DNAH6: variants seen among roughly 807,000 people sequenced by gnomAD.
DNAH6 encodes axonemal beta dynein heavy chain 6.
In DNAH6, 340 loss-of-function variants were observed where a neutral mutation model predicts 491.4. The observed-to-expected ratio is 0.69, with a 90% CI of 0.63 to 0.76. The LOEUF (loss-of-function observed/expected upper bound fraction) is 0.76. Ranked by LOEUF, DNAH6 falls within the 30% of genes least tolerant of loss-of-function variation. DNAH6 has a pLI of 0.00. For missense variants in DNAH6, 4,443 were observed against 4,972.2 expected (o/e 0.89, Z 3.20); for synonymous variants, 1,603 against 1,686.1 (o/e 0.95, Z 1.21).
intron 70 of DNAH6, among the ~76,000 whole-genome samples, chr2:84,804,970 C>T (rs1239926374): frequency 6.6e-6 from 1 of 151,890 alleles, no homozygotes; most frequent in Non-Finnish European, 1.5e-5. Context: ...TACACCACCA[C>T]ACCCAGCTAA....
intron 18 of DNAH6, among the ~76,000 whole-genome samples, chr2:84,598,132 T>TTTCG (rs1684814444): frequency 2.0e-5 from 1 of 49,666 alleles, no homozygotes; most frequent in Non-Finnish European, 4.8e-5. Flanking sequence ...CTTTCTTTTC[T>TTTCG]TTCTTTCTTT....
At chr2:84,732,026 A>G (rs539356393) in intron 61 of DNAH6, among the ~76,000 whole-genome samples, 1 of 152,370 alleles carries the variant, frequency 6.6e-6, no homozygotes, top group African/African-American at 2.4e-5. Context: ...ATCCCAGGGT[A>G]ACTGTGAGCA....
the DNAH6 span, among the ~76,000 whole-genome samples, chr2:84,490,078 C>G: frequency 2.0e-5 from 3 of 152,060 alleles, no homozygotes; most frequent in African/African-American, 7.2e-5. Context: ...AGCATTTTTT[C>G]AGTTTTTTAC....
At chr2:84,797,230 A>G (rs1192396) in intron 69 of DNAH6, among the ~76,000 whole-genome samples, 34,264 of 152,140 alleles carry the variant, frequency 0.23, 4,606 homozygotes, top group African/African-American at 0.39. Context: ...ACACCTTTCA[A>G]CATAAATTTG....
Position 84,662,542 on chromosome 2 carries a change from G to A in DNAH6, c.6084+3373G>A, listed in dbSNP as rs970914606. On this transcript the variant is annotated intron_variant, in intron 37 of 76. Transcript: ENST00000389394. The stretch of plus-strand genomic sequence containing the variant: ...TCTGAGATCGAACTGCAAGGCAGCA[G>A]CAAGGCTGGGGGAGGGGTGCCCACC... Among the ~76,000 whole-genome samples the A allele has an allele frequency of 2.6e-5, 4 of 152,222 alleles. No individual in the cohort carries two copies. In the East Asian group the frequency reaches 7.7e-4, roughly 29 times the overall value.
chr2:84,490,145 AC>A, the DNAH6 span, among the ~76,000 whole-genome samples: 3 of 152,170 alleles, frequency 2.0e-5, no homozygotes, highest in African/African-American at 7.2e-5. Context: ...GTTTGTATCT[AC>A]CACATATTGT....
chr2:84,734,612 G>T (rs1699391834), intron 62 of DNAH6, among the ~76,000 whole-genome samples: 1 of 152,074 alleles, frequency 6.6e-6, no homozygotes, highest in African/African-American at 2.4e-5. Flanking sequence ...TGAATGCAAG[G>T]TTCCATATGT....
At chr2:84,684,869 G>C (rs901420487) in intron 42 of DNAH6, among the ~76,000 whole-genome samples, 1 of 152,180 alleles carries the variant, frequency 6.6e-6, no homozygotes, top group Non-Finnish European at 1.5e-5. Flanking sequence ...GAAGCCAGAA[G>C]GGCCAGGGGC....
intron 56 of DNAH6, among the ~76,000 whole-genome samples, chr2:84,710,847 T>C (rs1696972664): frequency 1.3e-5 from 2 of 151,510 alleles, no homozygotes; most frequent in Admixed American, 6.6e-5. Flanking sequence ...GAATTAACTT[T>C]TGTTAAAAAA....
chr2:84,686,651 T>C, intron 44 of DNAH6, 94 bp downstream of exon 44: 1 of 783,046 alleles, frequency 1.3e-6, no homozygotes, highest in Non-Finnish European at 2.0e-6. Flanking sequence ...ACTTTACATG[T>C]GTGAGGAGTT....
At chr2:84,467,019 A>T in the DNAH6 span, among the ~76,000 whole-genome samples, 1 of 152,244 alleles carries the variant, frequency 6.6e-6, no homozygotes, top group African/African-American at 2.4e-5. Context: ...CCGTTTTTAC[A>T]AATTTTTGTT....
chr2:84,681,508 A>T lies in DNAH6; in HGVS notation c.6896A>T (p.Asp2299Val). The T allele has an allele frequency of 6.5e-7, 1 of 1,548,526 alleles. No homozygotes were observed. The highest frequency in any genetic ancestry group is 1.2e-5 in the South Asian group (1 of 83,174). Residue 2299 changes from aspartate (D) to valine (V), a missense_variant, in exon 42 of 77, where the codon GAC (aspartate) becomes GTC (valine). Asp to Val is a radical substitution (Grantham distance 152). Coordinates refer to ENST00000389394, the MANE Select transcript of DNAH6 (RefSeq NM_001370.2). ...AKSHYVFNLR[D>V]LSKCVQGILQ... ...TCCCATTATGTCTTTAACTTGAGGG[A>T]CTTATCCAAATGTGTGCAAGGTAGT...
chr2:84,508,266 A>G, the DNAH6 span, among the ~76,000 whole-genome samples: 2 of 152,184 alleles, frequency 1.3e-5, no homozygotes, highest in African/African-American at 4.8e-5. Context: ...GTCTATTCAG[A>G]GATTCAACTT....
intron 33 of DNAH6, among the ~76,000 whole-genome samples, chr2:84,648,578 G>GTT (rs1690117505): frequency 6.6e-6 from 1 of 152,206 alleles, no homozygotes; most frequent in Non-Finnish European, 1.5e-5. Context: ...AGGGGTTTTA[G>GTT]ACCTCAGTGG....
rs1409552222 is a variant in DNAH6 at position 84,706,965 on chromosome 2, A to G, written c.8797A>G (p.Ile2933Val). The change falls in exon 53 of 77, where the codon ATA becomes GTA. Residue 2933 changes from isoleucine to valine, a missense_variant. By Grantham distance (29) the Ile-to-Val change is conservative. Around this residue, in one of 3 missense-constraint regions of DNAH6, gnomAD observed 1,463 missense variants for 1,656.6 expected, o/e 0.88. Coordinates refer to ENST00000389394, the MANE Select transcript of DNAH6 (RefSeq NM_001370.2). ...QALLRQVEDQ[I>V]QALQDEYDKG... Reference sequence around the variant, plus strand: ...ATTACTAAGACAAGTAGAAGATCAAATACAGGCCTTACAAGATGAATATGA... The same window carrying G: ...ATTACTAAGACAAGTAGAAGATCAAGTACAGGCCTTACAAGATGAATATGA... 3 of 1,543,346 alleles carry G rather than the reference A, an allele frequency of 1.9e-6. No homozygotes were observed. The highest frequency in any genetic ancestry group is 2.5e-5 in the South Asian group (2 of 81,256).
intron 2 of DNAH6, among the ~76,000 whole-genome samples, chr2:84,524,707 A>C (rs767759477): frequency 5.9e-5 from 9 of 152,092 alleles, no homozygotes; most frequent in Non-Finnish European, 1.3e-4. Context: ...AGGGTTTTCC[A>C]AATGTGCATT....
chr2:84,574,138 A>G (rs1377835061), intron 12 of DNAH6, among the ~76,000 whole-genome samples: 1 of 152,146 alleles, frequency 6.6e-6, no homozygotes, highest in Non-Finnish European at 1.5e-5. Context: ...ATAAAAAATA[A>G]GTATATTTGT....
At position 84,616,998 on chromosome 2, in the gene DNAH6, A is replaced by C. The variant is rs1197827093; in HGVS notation, c.3572+16A>C. The C allele has an allele frequency of 7.3e-7, 1 of 1,377,056 alleles. No homozygotes were observed. Among genetic ancestry groups the C allele is most frequent in the African/African-American group, 1.5e-5 (1 of 66,928 alleles). The allele number at this position is 1,377,056 out of a possible 1,614,324, so 85.3% of individuals were successfully genotyped here. On this transcript the variant is annotated intron_variant, in intron 23 of 76. Transcript: ENST00000389394. ...TCTTTCCAAGGTAAGTTTATAAAGC[A>C]ACCTAAGATATTTTTTAGTAGTTAT... is the stretch of plus-strand genomic sequence containing the variant.
chr2:84,685,552 A>T (rs780957993), intron 43 of DNAH6, 80 bp downstream of exon 43: 20 of 861,214 alleles, frequency 2.3e-5, no homozygotes, highest in Non-Finnish European at 3.1e-5. Context: ...AATTAACACA[A>T]AAAGAATTTT....
Sources: allele counts gnomAD v4.1 joint callset (sites outside exome capture counted in the v4.1 genomes callset), GRCh38; gene constraint gnomAD v4.1.1; regional missense constraint gnomAD v4.1.1; transcripts MANE v1.5; gene names NCBI Gene and HGNC (gene_info 2026-07-23, HGNC 2026-07-21).